CBLN2: variants seen among roughly 807,000 people sequenced by gnomAD.
The protein encoded by CBLN2 is cerebellin-2.
A neutral mutation model predicts 15.0 loss-of-function variants in CBLN2; 7 were observed. The observed-to-expected ratio is 0.47, with a 90% CI of 0.27 to 0.88. CBLN2 has a LOEUF of 0.88. CBLN2 is among the 40% of genes least tolerant of loss of function. The probability of loss-of-function intolerance (pLI) is 0.14; values close to 1 mark genes in which losing one functional copy is unlikely to be tolerated. For synonymous variants in CBLN2, 149 were observed against 135.2 expected (o/e 1.10, Z -0.71); for missense variants, 242 against 304.5 (o/e 0.79, Z 1.53).
At chr18:72,617,256 T>C (rs913360510) in intron 1 of CBLN2, among the ~76,000 whole-genome samples, 17 of 152,206 alleles carry the variant, frequency 1.1e-4, no homozygotes, top group African/African-American at 3.9e-4. Context: ...ATGTTAAGTA[T>C]AATACCAGCT....
intron 1 of CBLN2, among the ~76,000 whole-genome samples, chr18:72,614,424 T>C (rs1209646319): frequency 6.6e-6 from 1 of 152,180 alleles, no homozygotes; most frequent in Non-Finnish European, 1.5e-5. Context: ...GTGTGATTTC[T>C]TCTTTTATTT....
chr18:72,598,965 T>A (rs1403866598), intron 1 of CBLN2, among the ~76,000 whole-genome samples: 1 of 152,194 alleles, frequency 6.6e-6, no homozygotes, highest in African/African-American at 2.4e-5. Flanking sequence ...AGGCTGCCTT[T>A]CCTACCGTCT....
intron 1 of CBLN2, among the ~76,000 whole-genome samples, chr18:72,583,488 G>A (rs886266445): frequency 1.3e-5 from 2 of 152,062 alleles, no homozygotes; most frequent in East Asian, 3.9e-4. Flanking sequence ...TGCCAAAGCA[G>A]GTGTGAATGA....
intron 1 of CBLN2, among the ~76,000 whole-genome samples, chr18:72,622,648 T>A (rs975165485): frequency 6.6e-6 from 1 of 152,144 alleles, no homozygotes; most frequent in Admixed American, 6.6e-5. Context: ...TGTGGTAAAT[T>A]ACCATTCTTG....
intron 1 of CBLN2, among the ~76,000 whole-genome samples, chr18:72,595,470 G>A (rs190005792): frequency 6.6e-6 from 1 of 152,070 alleles, no homozygotes; most frequent in South Asian, 2.1e-4. Flanking sequence ...TAATCCATGT[G>A]CTGAAGAGAA....
chr18:72,578,813 T>C (rs1231012228), intron 1 of CBLN2, among the ~76,000 whole-genome samples: 3 of 152,204 alleles, frequency 2.0e-5, no homozygotes, highest in Non-Finnish European at 4.4e-5. Flanking sequence ...AAAAACATGC[T>C]TTTCTAAACT....
intron 1 of CBLN2, among the ~76,000 whole-genome samples, chr18:72,575,756 C>T (rs1317895618): frequency 5.9e-5 from 9 of 151,982 alleles, no homozygotes; most frequent in Non-Finnish European, 2.9e-5. Context: ...AGGGGTAGGA[C>T]TTGGGGTTTG....
chr18:72,580,855 A>G (rs1193547437), intron 1 of CBLN2, among the ~76,000 whole-genome samples: 1 of 151,994 alleles, frequency 6.6e-6, no homozygotes, highest in Non-Finnish European at 1.5e-5. Flanking sequence ...GTATTGACAG[A>G]CTCTCTTCTT....
At chr18:72,584,491 C>G (rs192441171) in intron 1 of CBLN2, among the ~76,000 whole-genome samples, 2 of 151,656 alleles carry the variant, frequency 1.3e-5, no homozygotes, top group Non-Finnish European at 2.9e-5. Context: ...TTTAGTAGAG[C>G]TAGGGTTTCA....
At chr18:72,605,711 C>G (rs1412899679) in intron 1 of CBLN2, among the ~76,000 whole-genome samples, 4 of 152,184 alleles carry the variant, frequency 2.6e-5, no homozygotes, top group Non-Finnish European at 5.9e-5. Flanking sequence ...AACTGATGCA[C>G]TACATAAGAG....
chr18:72,557,807 G>A (rs2069235928), intron 1 of CBLN2, among the ~76,000 whole-genome samples: 1 of 152,156 alleles, frequency 6.6e-6, no homozygotes, highest in Non-Finnish European at 1.5e-5. Context: ...ATGCATGCTC[G>A]ACTTAATAGT....
chr18:72,589,033 C>T (rs1382974813), intron 1 of CBLN2, among the ~76,000 whole-genome samples: 3 of 152,086 alleles, frequency 2.0e-5, no homozygotes, highest in African/African-American at 7.2e-5. Flanking sequence ...TATAGCTGCT[C>T]TGGTCAGATG....
intron 1 of CBLN2, among the ~76,000 whole-genome samples, chr18:72,580,319 T>C (rs918159831): frequency 2.0e-5 from 3 of 152,122 alleles, no homozygotes; most frequent in African/African-American, 4.8e-5. Context: ...GCCAAAAATA[T>C]ATTAAGGAAA....
At chr18:72,594,902 T>A (rs2069503044) in intron 1 of CBLN2, among the ~76,000 whole-genome samples, 1 of 152,106 alleles carries the variant, frequency 6.6e-6, no homozygotes, top group South Asian at 2.1e-4. Flanking sequence ...ATTTTATTTA[T>A]TTGGGACTTC....
chr18:72,616,570 C>A (rs567625699), intron 1 of CBLN2, among the ~76,000 whole-genome samples: 1 of 152,070 alleles, frequency 6.6e-6, no homozygotes, highest in Admixed American at 6.5e-5. Context: ...GATTTTGATT[C>A]CTTTTGAGTA....
chr18:72,541,498 T>C (rs1182051930), intron 3 of CBLN2, among the ~76,000 whole-genome samples: 1 of 152,198 alleles, frequency 6.6e-6, no homozygotes, highest in Non-Finnish European at 1.5e-5. Context: ...ATGCTTCCTT[T>C]TGGGAAACAT....
chr18:72,603,336 C>T (rs1280024305), intron 1 of CBLN2, among the ~76,000 whole-genome samples: 1 of 152,174 alleles, frequency 6.6e-6, no homozygotes, highest in Non-Finnish European at 1.5e-5. Context: ...AAGCAGATCT[C>T]TTCATTTTTC....
chr18:72,618,515 T>G, intron 1 of CBLN2: 1 of 687,174 alleles, frequency 1.5e-6, no homozygotes, highest in Non-Finnish European at 2.7e-6. Flanking sequence ...ATGCAAGAGT[T>G]GTGGAACCAA....
intron 1 of CBLN2, among the ~76,000 whole-genome samples, chr18:72,550,761 A>C (rs143400142): frequency 1.3e-5 from 2 of 152,090 alleles, no homozygotes; most frequent in African/African-American, 2.4e-5. Flanking sequence ...GATTTCAGTG[A>C]ATATTAAGTA....
Sources: gnomAD v4.1 joint callset for allele counts (sites outside exome capture counted in the v4.1 genomes callset) on GRCh38, gnomAD v4.1.1 for gene constraint, MANE v1.5 for transcripts, NCBI Gene and HGNC (gene_info 2026-07-23, HGNC 2026-07-21) for gene names.